The following ACACB variants were observed in gnomAD, a reference collection of about 807,000 sequenced individuals.
ACACB encodes acetyl-CoA carboxylase beta, also known as acetyl-CoA carboxylase 2.
ACACB carries 209 observed loss-of-function variants against 278.8 expected under a neutral mutation model. That is an observed-to-expected ratio of 0.75 (90% CI 0.67 to 0.84). The LOEUF (loss-of-function observed/expected upper bound fraction) is 0.84. Ranked by LOEUF, ACACB falls within the 40% of genes least tolerant of loss-of-function variation. The pLI, the probability that ACACB is intolerant of heterozygous loss-of-function variation, is 0.00. For synonymous variants in ACACB, 1,174 were observed against 1,285.6 expected (o/e 0.91, Z 1.86); for missense variants, 2,850 against 3,269.0 (o/e 0.87, Z 3.13).
At chr12:109,254,739 A>C (rs1435348897) in intron 44 of ACACB, among the ~76,000 whole-genome samples, 1 of 151,258 alleles carries the variant, frequency 6.6e-6, no homozygotes. Flanking sequence ...TTACAAAGGA[A>C]CTCTGTGAGT....
Position 109,259,113 on chromosome 12 carries a change from GCC to G in ACACB, c.6496+8_6496+9del. 1 of 1,613,558 alleles carries G rather than the reference GCC, an allele frequency of 6.2e-7. No homozygotes were observed. The highest frequency in any genetic ancestry group is 8.5e-7 in the Non-Finnish European group (1 of 1,179,758). ...GGTTCTCCGGTGGCATGAAAGGTAA[GCC>G]CCTCCCTGCCTATGTTACCCCAAAG... is the stretch of plus-strand genomic sequence containing the variant. On this transcript the variant is annotated splice_donor_region_variant and intron_variant, in intron 47 of 52. Coordinates refer to ENST00000338432, the MANE Select transcript of ACACB (RefSeq NM_001093.4).
intron 1 of ACACB, among the ~76,000 whole-genome samples, chr12:109,136,866 CT>C: frequency 6.6e-6 from 1 of 152,290 alleles, no homozygotes; most frequent in Non-Finnish European, 1.5e-5. Context: ...ATTGGTTTGT[CT>C]AGAACTTCCA....
intron 4 of ACACB, among the ~76,000 whole-genome samples, chr12:109,168,238 T>C (rs990202139): frequency 6.6e-6 from 1 of 152,194 alleles, no homozygotes; most frequent in Non-Finnish European, 1.5e-5. Flanking sequence ...AAAATGCAGA[T>C]GGTTAACATG....
intron 22 of ACACB, 61 bp from the exon 23 acceptor site, chr12:109,216,557 T>A: frequency 1.3e-6 from 2 of 1,509,848 alleles, no homozygotes; most frequent in South Asian, 2.3e-5. Context: ...AAAAAAATAC[T>A]AAATATTCAG....
intron 2 of ACACB, among the ~76,000 whole-genome samples, chr12:109,163,315 G>T (rs1224002574): frequency 1.3e-5 from 2 of 152,194 alleles, no homozygotes; most frequent in Non-Finnish European, 2.9e-5. Flanking sequence ...GAGAAGAGAA[G>T]TTTAAAAAGC....
At position 109,168,050 on chromosome 12, in the gene ACACB, C is replaced by T; in HGVS notation, c.925+16C>T. Reference sequence around the variant, plus strand: ...GCCAACGCAGGTACCTGGGCCTTGACCCTCTCCTCCCATCACGCTCCATCC... The same window carrying T: ...GCCAACGCAGGTACCTGGGCCTTGATCCTCTCCTCCCATCACGCTCCATCC... On this transcript the variant is annotated intron_variant, in intron 4 of 52. Transcript: ENST00000338432. 6.3e-7 allele frequency: 1 copy of T among 1,593,382 alleles called. No homozygotes were observed. The highest frequency in any genetic ancestry group is 8.6e-7 in the Non-Finnish European group (1 of 1,168,578).
rs528124576 is a variant in ACACB at position 109,227,892 on chromosome 12, G to C, written c.4001+403G>C. Among the ~76,000 whole-genome samples the C allele has an allele frequency of 3.0e-3, 450 of 151,968 alleles. 2 individuals carry two copies. Among genetic ancestry groups the C allele is most frequent in the South Asian group, 6.4e-3 (31 of 4,814 alleles). ...TACTAAAAATACAAAAATTAGCCGG[G>C]CGTGGTGGCACATGCCTGTAATCCC... On this transcript the variant is annotated intron_variant, in intron 28 of 52. Coordinates refer to ENST00000338432, the MANE Select transcript of ACACB (RefSeq NM_001093.4).
chr12:109,139,313 C>T (rs747603571), intron 1 of ACACB, 84 bp from the exon 2 acceptor site: 12 of 1,318,498 alleles, frequency 9.1e-6, no homozygotes, highest in Non-Finnish European at 1.2e-5. Context: ...AGCACCCCAA[C>T]AGCCTCCTGC....
In ACACB at chr12:109,234,018, G is replaced by A. The variant is rs775788458; in HGVS notation, c.4320G>A (p.Pro1440=). ...ACCTGGAGGATGAGGCACTGGTGCC[G>A]ATTTTACGGACATTCGTACAGTCCA... ...ADHLEDEALV[P]ILRTFVQSKK... is the part of the protein sequence containing the mutation. Residue 1440 remains proline, a synonymous_variant, in exon 31 of 53, where the codon CCG becomes CCA. Transcript: ENST00000338432. 3.7e-6 allele frequency: 6 copies of A among 1,613,426 alleles called. No homozygotes were observed. The highest frequency in any genetic ancestry group is 2.2e-5 in the East Asian group (1 of 44,868).
In ACACB at chr12:109,172,217, T is replaced by C. The variant is rs1256201993; in HGVS notation, c.1036-58T>C. The C allele has an allele frequency of 3.9e-6, 6 of 1,545,820 alleles. No individual in the cohort carries two copies. The African/African-American group carries it at 8.1e-5, about 21-fold the overall frequency. The stretch of plus-strand genomic sequence containing the variant: ...GGTTATAGGCGTGAGTTACTGCACC[T>C]GGCTGGGAGGCATATTCTTGAAGGA... On this transcript the variant is annotated intron_variant, in intron 5 of 52. Coordinates refer to ENST00000338432, the MANE Select transcript of ACACB (RefSeq NM_001093.4).
chr12:109,184,609 C>G (rs2044590185), intron 11 of ACACB, among the ~76,000 whole-genome samples: 1 of 152,146 alleles, frequency 6.6e-6, no homozygotes, highest in Non-Finnish European at 1.5e-5. Context: ...CCAACCCAAC[C>G]CAGGGTGACA....
Position 109,252,038 on chromosome 12 carries a change from C to A in ACACB, c.5791-8C>A. Reference sequence around the variant, plus strand: ...CTCCAGAATTCAGAGGGGGTCCTCTCTCCACAGGTGACCTGCCGAGCCATT... The same window carrying A: ...CTCCAGAATTCAGAGGGGGTCCTCTATCCACAGGTGACCTGCCGAGCCATT... On this transcript the variant is annotated splice_polypyrimidine_tract_variant and splice_region_variant and intron_variant, in intron 41 of 52. Coordinates refer to ENST00000338432, the MANE Select transcript of ACACB (RefSeq NM_001093.4). 1 of 1,605,842 alleles carries A rather than the reference C, an allele frequency of 6.2e-7. No individual in the cohort carries two copies. The highest frequency in any genetic ancestry group is 8.5e-7 in the Non-Finnish European group (1 of 1,175,800).
chr12:109,237,287 C>A lies in ACACB; in HGVS notation c.4569C>A (p.Tyr1523Ter). 1.2e-6 allele frequency: 2 copies of A among 1,614,208 alleles called. No homozygotes were observed. The highest frequency in any genetic ancestry group is 2.2e-5 in the South Asian group (2 of 91,082). Residue 1523 changes from tyrosine to a stop codon, truncating the protein, a stop_gained, in exon 34 of 53, where the codon TAC becomes TAA. Transcript: ENST00000338432. LOFTEE classifies it high-confidence loss of function. Reference protein sequence around the residue: ...VPCANHKMHLYLGAAKVKEGV... With the variant: ...VPCANHKMHL Reference sequence around the variant, plus strand: ...GTGCCAACCACAAGATGCACCTTTACCTGGGTGCTGCCAAGGTGAAGGAAG... The same window carrying A: ...GTGCCAACCACAAGATGCACCTTTAACTGGGTGCTGCCAAGGTGAAGGAAG...
chr12:109,264,618 T>C (rs1212486914), intron 50 of ACACB, among the ~76,000 whole-genome samples: 1 of 152,020 alleles, frequency 6.6e-6, no homozygotes, highest in Non-Finnish European at 1.5e-5. Flanking sequence ...TTTTTAAAGA[T>C]CCCCAAGAGA....
chr12:109,135,746 T>G (rs989496607), intron 1 of ACACB, among the ~76,000 whole-genome samples: 1 of 151,978 alleles, frequency 6.6e-6, no homozygotes, highest in Non-Finnish European at 1.5e-5. Context: ...GGTCCAACTT[T>G]TTATTCTTGT....
At chr12:109,186,349 G>A (rs1203162145) in intron 12 of ACACB, among the ~76,000 whole-genome samples, 2 of 152,178 alleles carry the variant, frequency 1.3e-5, no homozygotes, top group Non-Finnish European at 2.9e-5. Context: ...CAGGCAAAGA[G>A]CCTGGGGTAA....
chr12:109,171,283 C>G (rs572190149), intron 4 of ACACB, among the ~76,000 whole-genome samples: 1 of 152,080 alleles, frequency 6.6e-6, no homozygotes, highest in Non-Finnish European at 1.5e-5. Context: ...CCAGGCCTTC[C>G]AGGCCTTGTC....
At position 109,197,124 on chromosome 12, in the gene ACACB, C is replaced by T; in HGVS notation, c.2598C>T (p.Tyr866=). 1 of 1,605,432 alleles carries T rather than the reference C, an allele frequency of 6.2e-7. No individual in the cohort carries two copies. The highest frequency in any genetic ancestry group is 8.5e-7 in the Non-Finnish European group (1 of 1,176,414). ...TGCTCTCCTACAATGGGAACAGCTA[C>T]ACCACCTACATGAAGGAAGAGGTTG... ...GLLLSYNGNS[Y]TTYMKEEVDS... is the part of the protein sequence containing the mutation. Residue 866 remains tyrosine, a synonymous_variant, in exon 17 of 53, where the codon TAC becomes TAT. Transcript: ENST00000338432.
intron 45 of ACACB, among the ~76,000 whole-genome samples, chr12:109,257,264 A>G (rs2047251826): frequency 6.6e-6 from 1 of 151,806 alleles, no homozygotes; most frequent in African/African-American, 2.4e-5. Context: ...ACAGAGCGAG[A>G]CTCCATCTTC....
Sources: allele counts gnomAD v4.1 joint callset (sites outside exome capture counted in the v4.1 genomes callset), GRCh38; gene constraint gnomAD v4.1.1; transcripts MANE v1.5; gene names NCBI Gene and HGNC (gene_info 2026-07-23, HGNC 2026-07-21).